The following RPS6KA5 variants were observed in gnomAD, a reference collection of about 807,000 sequenced individuals.
The protein encoded by RPS6KA5 is ribosomal protein S6 kinase A5, also known as ribosomal protein S6 kinase alpha-5.
A neutral mutation model predicts 85.5 loss-of-function variants in RPS6KA5; 27 were observed. The ratio of observed to expected loss-of-function variants is 0.32; its 90% CI spans 0.23 to 0.44. The LOEUF (loss-of-function observed/expected upper bound fraction) is 0.44, where lower values mean the gene tolerates loss of function less well. Ranked by LOEUF, RPS6KA5 falls within the 20% of genes least tolerant of loss-of-function variation. The pLI, the probability that RPS6KA5 is intolerant of heterozygous loss-of-function variation, is 1.00. For synonymous variants in RPS6KA5, 334 were observed against 348.2 expected (o/e 0.96, Z 0.46); for missense variants, 811 against 980.9 (o/e 0.83, Z 2.31).
chr14:90,924,317 T>C (rs1170203852), intron 5 of RPS6KA5, among the ~76,000 whole-genome samples: 2 of 152,206 alleles, frequency 1.3e-5, no homozygotes, highest in Non-Finnish European at 2.9e-5. Context: ...TAAGAGTTTC[T>C]CTTCTATTTG....
chr14:90,900,789 T>G, intron 9 of RPS6KA5, 53 bp from the exon 10 acceptor site: 1 of 1,489,682 alleles, frequency 6.7e-7, no homozygotes, highest in Non-Finnish European at 9.1e-7. Context: ...TTTTCCAGTT[T>G]AACACAGATT....
At chr14:90,914,309 GTTTTTTT>G (rs10658805) in intron 7 of RPS6KA5, among the ~76,000 whole-genome samples, 1 of 81,520 alleles carries the variant, frequency 1.2e-5, no homozygotes, top group Non-Finnish European at 2.2e-5. Flanking sequence ...GATCCCTAGG[GTTTTTTT>G]TTTTTTTTTT....
At chr14:90,899,517 T>C (rs2035039551) in intron 11 of RPS6KA5, 95 bp from the exon 12 acceptor site, 1 of 786,884 alleles carries the variant, frequency 1.3e-6, no homozygotes, top group Non-Finnish European at 2.2e-6. Context: ...TTACAGTGCA[T>C]TCAGAATATA....
chr14:90,949,550 T>C (rs1378141280), intron 3 of RPS6KA5, among the ~76,000 whole-genome samples: 1 of 152,184 alleles, frequency 6.6e-6, no homozygotes, highest in South Asian at 2.1e-4. Flanking sequence ...GAATATATTA[T>C]AAACAGGGTC....
chr14:90,875,299 C>A lies in RPS6KA5; in HGVS notation c.1898G>T (p.Ser633Ile), dbSNP rs1209960135. Residue 633 changes from serine to isoleucine, a missense_variant, in exon 15 of 17, where the codon AGC becomes ATC. Around this residue, in one of 3 missense-constraint regions of RPS6KA5, gnomAD observed 650 missense variants for 793.4 expected, o/e 0.82. Transcript: ENST00000614987. ...QSHDRSLTCTSAVEIMKKIKK... is the reference protein window; with the variant it reads ...QSHDRSLTCTIAVEIMKKIKK... ...AATTTTCTTCATGATTTCCACCGCGCTGGTACACGTCAAACTTCGGTCATG... is the reference window on the plus strand; with the variant it reads ...AATTTTCTTCATGATTTCCACCGCGATGGTACACGTCAAACTTCGGTCATG... The A allele has an allele frequency of 6.2e-7, 1 of 1,613,966 alleles. No individual in the cohort carries two copies. The highest frequency in any genetic ancestry group is 2.2e-5 in the East Asian group (1 of 44,876).
Position 90,954,632 on chromosome 14 carries a change from T to C in RPS6KA5, c.395-7082A>G, listed in dbSNP as rs555140526. On this transcript the variant is annotated intron_variant, in intron 3 of 16. Coordinates refer to ENST00000614987, the MANE Select transcript of RPS6KA5 (RefSeq NM_004755.4). Reference sequence around the variant, plus strand: ...TTTCACCATGTTAGCCAGGCTGTTCTTGAACTCCTGACCTCAAGTGATCCA... The same window carrying C: ...TTTCACCATGTTAGCCAGGCTGTTCCTGAACTCCTGACCTCAAGTGATCCA... Among the ~76,000 whole-genome samples the C allele has an allele frequency of 4.6e-5, 7 of 152,246 alleles. No homozygotes were observed. The South Asian group carries it at 8.3e-4, about 18-fold the overall frequency.
At position 91,060,351 on chromosome 14, in the gene RPS6KA5, G is replaced by A. The variant is rs777417347; in HGVS notation, c.84C>T (p.Val28=). 2.7e-5 allele frequency: 40 copies of A among 1,461,072 alleles called. No individual in the cohort carries two copies. The African/African-American group carries it at 4.9e-4, about 18-fold the overall frequency. 90.5% of individuals were successfully genotyped at this position (1,461,072 alleles called of 1,614,324 possible). ...GGDGGEQLLT[V]KHELRTANLT... is the part of the protein sequence containing the mutation. The stretch of plus-strand genomic sequence containing the variant: ...GCTCACCAGTCCGCAGCTCGTGCTT[G>A]ACAGTGAGGAGCTGCTCTCCTCCGT... The change falls in exon 1 of 17, where the codon GTC becomes GTT. Residue 28 remains valine (V), a synonymous_variant. Transcript: ENST00000614987.
chr14:90,853,868 C>T lies in RPS6KA5; in HGVS notation c.*18206G>A, dbSNP rs551811675. 1.5e-4 allele frequency: 23 copies of T among 152,144 alleles called. No homozygotes were observed. The South Asian group carries it at 3.3e-3, about 22-fold the overall frequency. The allele number at this position is 152,144 out of a possible 1,614,324, so 9.4% of individuals were successfully genotyped here. A position where few individuals can be genotyped will look rare whatever the true frequency, so the allele number is the denominator to read the frequency against. On this transcript the variant is annotated 3_prime_UTR_variant, in exon 17 of 17. Coordinates refer to ENST00000614987, the MANE Select transcript of RPS6KA5 (RefSeq NM_004755.4). The stretch of plus-strand genomic sequence containing the variant: ...ATCCCATTATTCATTTAAAAAGAAA[C>T]GAACACAAATATTTCACACCCTTTT...
chr14:90,867,979 A>G lies in RPS6KA5; in HGVS notation c.*4095T>C, dbSNP rs1176265355. 6.6e-6 allele frequency: 1 copy of G among 152,222 alleles called. No homozygotes were observed. The highest frequency in any genetic ancestry group is 1.5e-5 in the Non-Finnish European group (1 of 68,026). 9.4% of individuals were successfully genotyped at this position (152,222 alleles called of 1,614,324 possible). A position where few individuals can be genotyped will look rare whatever the true frequency, so the allele number is the denominator to read the frequency against. Reference sequence around the variant, plus strand: ...GAAGAAATATCTTGAAAAGTAAGCAATATAGAAGGTGAGGACAGAAGTGAG... The same window carrying G: ...GAAGAAATATCTTGAAAAGTAAGCAGTATAGAAGGTGAGGACAGAAGTGAG... On this transcript the variant is annotated 3_prime_UTR_variant, in exon 17 of 17. Coordinates refer to ENST00000614987, the MANE Select transcript of RPS6KA5 (RefSeq NM_004755.4).
Position 91,042,903 on chromosome 14 carries a change from A to G in RPS6KA5, c.103+17429T>C, listed in dbSNP as rs79998807. 6.4e-4 allele frequency among the ~76,000 whole-genome samples: 98 copies of G among 152,252 alleles called. No individual in the cohort carries two copies. In the East Asian group the frequency reaches 0.018, roughly 28 times the overall value. ...TACCATCACTCATCTTAAAACAAGGACACAACAAATAAACCCTTCCTGAAC... is the reference window on the plus strand; with the variant it reads ...TACCATCACTCATCTTAAAACAAGGGCACAACAAATAAACCCTTCCTGAAC... On this transcript the variant is annotated intron_variant, in intron 1 of 16. Transcript: ENST00000614987.
Position 90,869,864 on chromosome 14 carries a change from C to G in RPS6KA5, c.*2210G>C, listed in dbSNP as rs1490090672. ...AGAGTGCAACAGTGTTTGTTAAGGTCTTTTCAAAAGCCCATTTGAGATTAT... is the reference window on the plus strand; with the variant it reads ...AGAGTGCAACAGTGTTTGTTAAGGTGTTTTCAAAAGCCCATTTGAGATTAT... On this transcript the variant is annotated 3_prime_UTR_variant, in exon 17 of 17. Coordinates refer to ENST00000614987, the MANE Select transcript of RPS6KA5 (RefSeq NM_004755.4). 1 of 152,164 alleles carries G rather than the reference C, an allele frequency of 6.6e-6. No individual in the cohort carries two copies. The highest frequency in any genetic ancestry group is 2.4e-5 in the African/African-American group (1 of 41,446). 9.4% of individuals were successfully genotyped at this position (152,164 alleles called of 1,614,324 possible). A position where few individuals can be genotyped will look rare whatever the true frequency, so the allele number is the denominator to read the frequency against.
At position 90,872,080 on chromosome 14, in the gene RPS6KA5, T is replaced by G; in HGVS notation, c.2403A>C (p.Val801=). Residue 801 remains valine, a synonymous_variant, in exon 17 of 17, where the codon GTA becomes GTC. Transcript: ENST00000614987. ...TGATACACTCCTACCATGCCTAAGC[T>G]ACTGAGTCCGAGAACTGGAAGAGGG... The part of the protein sequence containing the change: ...PETLFQFSDS[V]A 6.2e-7 allele frequency: 1 copy of G among 1,612,234 alleles called. No homozygotes were observed. Among genetic ancestry groups the G allele is most frequent in the Non-Finnish European group, 8.5e-7 (1 of 1,179,200 alleles).
rs984305939 is a variant in RPS6KA5, at chr14:91,059,905, C to T, written c.103+427G>A. On this transcript the variant is annotated intron_variant, in intron 1 of 16. Coordinates refer to ENST00000614987, the MANE Select transcript of RPS6KA5 (RefSeq NM_004755.4). The stretch of plus-strand genomic sequence containing the variant: ...AGAGCCCCACCGGGACCCCCCATCG[C>T]GGGGACCAGAGGGGCGGAGGAGGGA... 1.6e-5 allele frequency: 7 copies of T among 434,424 alleles called. No individual in the cohort carries two copies. In the Admixed American group the frequency reaches 2.6e-4, roughly 16 times the overall value. The allele number at this position is 434,424 out of a possible 1,614,324, so 26.9% of individuals were successfully genotyped here. A position where few individuals can be genotyped will look rare whatever the true frequency, so the allele number is the denominator to read the frequency against.
Position 90,856,360 on chromosome 14 carries a change from AT to A in RPS6KA5, c.*15713del, listed in dbSNP as rs756400550. 0.027 allele frequency: 3,403 copies of A among 126,570 alleles called. 87 individuals are homozygous for A. Among genetic ancestry groups the A allele is most frequent in the African/African-American group, 0.088 (2,863 of 32,634 alleles). 7.8% of individuals were successfully genotyped at this position (126,570 alleles called of 1,614,324 possible). ...GCTACAGCCTTTCTAGCTATGCGTGATTTTTTTTTTTTTTTTTTTTGAGACG... is the reference window on the plus strand; with the variant it reads ...GCTACAGCCTTTCTAGCTATGCGTGATTTTTTTTTTTTTTTTTTTGAGACG... On this transcript the variant is annotated 3_prime_UTR_variant, in exon 17 of 17. Transcript: ENST00000614987.
At chr14:91,010,256 C>G (rs948733090) in intron 1 of RPS6KA5, among the ~76,000 whole-genome samples, 3 of 152,066 alleles carry the variant, frequency 2.0e-5, no homozygotes, top group Non-Finnish European at 2.9e-5. Context: ...TGATGACCTA[C>G]CTTGACATAC....
At chr14:91,011,915 T>C (rs1595468558) in intron 1 of RPS6KA5, among the ~76,000 whole-genome samples, 1 of 152,284 alleles carries the variant, frequency 6.6e-6, no homozygotes, top group South Asian at 2.1e-4. Context: ...AGAACAATTA[T>C]AAAAAGTAAC....
At chr14:90,964,256 T>C (rs2038948985) in intron 3 of RPS6KA5, among the ~76,000 whole-genome samples, 1 of 152,204 alleles carries the variant, frequency 6.6e-6, no homozygotes. Flanking sequence ...ACCGGCTATG[T>C]AGCCTTGGGC....
At chr14:90,987,321 C>T (rs990772632) in intron 2 of RPS6KA5, among the ~76,000 whole-genome samples, 4 of 152,094 alleles carry the variant, frequency 2.6e-5, no homozygotes, top group Non-Finnish European at 4.4e-5. Context: ...TTTTAAAACA[C>T]TCTTTTAAAT....
chr14:90,864,603 T>TA lies in RPS6KA5; in HGVS notation c.*7470dup, dbSNP rs1356768917. On this transcript the variant is annotated 3_prime_UTR_variant, in exon 17 of 17. Coordinates refer to ENST00000614987, the MANE Select transcript of RPS6KA5 (RefSeq NM_004755.4). ...GCACTTAGAAAGTAGAAAAGCAAAC[T>TA]AAAGAGAAGACATTTATGGTAAAAT... 6.6e-6 allele frequency: 1 copy of TA among 152,060 alleles called. No homozygotes were observed. The highest frequency in any genetic ancestry group is 2.4e-5 in the African/African-American group (1 of 41,372). 9.4% of individuals were successfully genotyped at this position (152,060 alleles called of 1,614,324 possible).
Sources: gnomAD v4.1 joint callset for allele counts (sites outside exome capture counted in the v4.1 genomes callset) on GRCh38, gnomAD v4.1.1 for gene constraint, gnomAD v4.1.1 regional missense constraint, MANE v1.5 for transcripts, NCBI Gene and HGNC (gene_info 2026-07-23, HGNC 2026-07-21) for gene names.